The following CEP152 variants were observed in gnomAD, a reference collection of about 807,000 sequenced individuals.
CEP152 encodes centrosomal protein 152.
CEP152 carries 132 observed loss-of-function variants against 188.9 expected under a neutral mutation model. That is an observed-to-expected ratio of 0.70 (90% CI 0.61 to 0.81). The LOEUF (loss-of-function observed/expected upper bound fraction) is 0.81. Ranked by LOEUF, CEP152 falls within the 30% of genes least tolerant of loss-of-function variation. The pLI is 0.00. For missense variants in CEP152, 1,914 were observed against 1,969.8 expected, an observed-to-expected ratio of 0.97 and a Z score of 0.54; for synonymous variants, 649 against 666.6, an observed-to-expected ratio of 0.97 and a Z score of 0.41.
chr15:48,760,010 T>G, intron 19 of CEP152, 125 bp downstream of exon 19: 4 of 1,275,384 alleles, frequency 3.1e-6, no homozygotes, highest in Non-Finnish European at 4.5e-6. Context: ...GAGCTATTGC[T>G]TAACATGTAT....
intron 12 of CEP152, among the ~76,000 whole-genome samples, chr15:48,777,051 C>T (rs1391197106): frequency 6.6e-6 from 1 of 151,888 alleles, no homozygotes; most frequent in Non-Finnish European, 1.5e-5. Flanking sequence ...AATACTTGGC[C>T]AGTATTCCTT....
intron 2 of CEP152, among the ~76,000 whole-genome samples, chr15:48,802,259 T>G (rs1005108641): frequency 6.6e-5 from 10 of 152,200 alleles, no homozygotes; most frequent in African/African-American, 2.4e-4. Context: ...AAAGTTTGCT[T>G]TGGATGATAT....
intron 13 of CEP152, 95 bp downstream of exon 13, chr15:48,772,392 C>G: frequency 9.7e-7 from 1 of 1,028,484 alleles, no homozygotes. Context: ...GCCTGGAAGA[C>G]AGAGTGACGC....
chr15:48,756,344 G>A lies in CEP152; in HGVS notation c.2904C>T (p.Ile968=). The A allele has an allele frequency of 6.4e-7, 1 of 1,574,120 alleles. No homozygotes were observed. The highest frequency in any genetic ancestry group is 1.2e-5 in the South Asian group (1 of 82,922). The change falls in exon 20 of 27, where the codon ATC becomes ATT. Residue 968 remains isoleucine, a synonymous_variant. Transcript: ENST00000380950. ...GCTCATTTTGTTCTTGGATTCTGTG[G>A]ATTTCTTCTTGCTTTTCTTTGTTCC... ...SEWNKEKQEE[I]HRIQEQNEQD...
At chr15:48,799,457 C>T (rs746595970) in intron 2 of CEP152, among the ~76,000 whole-genome samples, 6 of 151,936 alleles carry the variant, frequency 3.9e-5, no homozygotes, top group African/African-American at 1.4e-4. Flanking sequence ...ATATTTATTT[C>T]TCATATTCAC....
At chr15:48,741,016 C>T (rs1242616690) in intron 26 of CEP152, 3 of 984,454 alleles carry the variant, frequency 3.0e-6, no homozygotes, top group East Asian at 2.3e-4. Flanking sequence ...TGATATTGCT[C>T]CTAATTGCAA....
At position 48,748,572 on chromosome 15, in the gene CEP152, C is replaced by A. The variant is rs1595600539; in HGVS notation, c.3505G>T (p.Gly1169Ter). ...TTTTCAAGTTCTTGGAAGCAGTGTC[C>A]ACAGCATAAATCCTTAATTTCAAGG... is the stretch of plus-strand genomic sequence containing the variant. ...KVLEIKDLCC[G>*]HCFQELEKAK... Residue 1169 changes from glycine to a stop codon, truncating the protein, a stop_gained, in exon 22 of 27, where the codon GGA becomes TGA. Transcript: ENST00000380950. LOFTEE classifies it high-confidence loss of function. The A allele has an allele frequency of 1.3e-6, 2 of 1,528,052 alleles. No homozygotes were observed. Among genetic ancestry groups the A allele is most frequent in the Non-Finnish European group, 1.7e-6 (2 of 1,143,602 alleles). 94.7% of individuals were successfully genotyped at this position (1,528,052 alleles called of 1,614,324 possible).
intron 19 of CEP152, among the ~76,000 whole-genome samples, chr15:48,758,100 T>G (rs999392654): frequency 2.0e-5 from 3 of 152,164 alleles, no homozygotes; most frequent in Admixed American, 2.0e-4. Context: ...AAAACAAAGT[T>G]TAAGGGTAGG....
intron 17 of CEP152, 101 bp downstream of exon 17, chr15:48,766,959 C>T: frequency 6.9e-7 from 1 of 1,453,202 alleles, no homozygotes; most frequent in East Asian, 2.3e-5. Flanking sequence ...ATATGAATAC[C>T]TTCTCCATTC....
intron 12 of CEP152, among the ~76,000 whole-genome samples, chr15:48,776,454 T>C (rs995601804): frequency 1.3e-5 from 2 of 152,108 alleles, no homozygotes; most frequent in African/African-American, 4.8e-5. Context: ...TGTTTAGTAA[T>C]ATGCATCAAA....
At position 48,760,131 on chromosome 15, in the gene CEP152, T is replaced by C; in HGVS notation, c.2694+4A>G. 1 of 1,613,944 alleles carries C rather than the reference T, an allele frequency of 6.2e-7. No homozygotes were observed. The highest frequency in any genetic ancestry group is 2.2e-5 in the East Asian group (1 of 44,852). ...CTGAAGTGTCTTTGCAGAAGAGCTC[T>C]TACCCTTTTGTTCACAGAGACCTCA... is the stretch of plus-strand genomic sequence containing the variant. On this transcript the variant is annotated splice_donor_region_variant and intron_variant, in intron 19 of 26. Transcript: ENST00000380950.
Position 48,769,095 on chromosome 15 carries a change from G to A in CEP152, c.1783-14C>T, listed in dbSNP as rs1191873711. 6.3e-7 allele frequency: 1 copy of A among 1,591,982 alleles called. No homozygotes were observed. The highest frequency in any genetic ancestry group is 8.6e-7 in the Non-Finnish European group (1 of 1,167,048). ...ATCTGTTTTAGTCTGAATATTAAAA[G>A]GTCAAAAGTTTTACAAGTTTTAAAA... On this transcript the variant is annotated splice_polypyrimidine_tract_variant and intron_variant, in intron 13 of 26. Transcript: ENST00000380950.
intron 22 of CEP152, among the ~76,000 whole-genome samples, chr15:48,747,337 A>G (rs184694928): frequency 6.6e-6 from 1 of 152,178 alleles, no homozygotes; most frequent in African/African-American, 2.4e-5. Flanking sequence ...CCATTTAAAT[A>G]TTTATTATCT....
At chr15:48,788,257 C>T (rs1045465469) in intron 9 of CEP152, among the ~76,000 whole-genome samples, 4 of 150,952 alleles carry the variant, frequency 2.6e-5, no homozygotes, top group South Asian at 2.1e-4. Flanking sequence ...TACTAATAAT[C>T]GTATAAGAAG....
At chr15:48,750,015 C>T (rs73400340) in intron 21 of CEP152, among the ~76,000 whole-genome samples, 8,683 of 152,062 alleles carry the variant, frequency 0.057, 630 homozygotes, top group African/African-American at 0.17. Flanking sequence ...GTATATATAA[C>T]TTACCCTCCA....
chr15:48,783,775 G>GTATATATATATATATATATATGTATATA (rs10652796), intron 10 of CEP152, 198 bp downstream of exon 10: 3 of 178,682 alleles, frequency 1.7e-5, no homozygotes, highest in African/African-American at 7.5e-5. Context: ...ATGTGTGTAT[G>GTATATATATATATATATATATGTATATA]TATATATATA....
intron 14 of CEP152, among the ~76,000 whole-genome samples, chr15:48,768,732 C>T (rs1227030119): frequency 6.6e-6 from 1 of 152,142 alleles, no homozygotes; most frequent in Non-Finnish European, 1.5e-5. Flanking sequence ...GTCAGCCATG[C>T]TACCATAGAG....
Position 48,798,058 on chromosome 15 carries a change from C to T in CEP152, c.88-7G>A, listed in dbSNP as rs552339205. The T allele has an allele frequency of 6.2e-7, 1 of 1,610,438 alleles. No homozygotes were observed. The highest frequency in any genetic ancestry group is 8.5e-7 in the Non-Finnish European group (1 of 1,176,976). ...CTGTGAGTAACTGCTGCAACTGAGT[C>T]AAAAGGTCTGCATCAATATCATACC... On this transcript the variant is annotated splice_polypyrimidine_tract_variant and splice_region_variant and intron_variant, in intron 2 of 26. Coordinates refer to ENST00000380950, the MANE Select transcript of CEP152 (RefSeq NM_001194998.2).
chr15:48,755,858 A>G (rs758009260), intron 20 of CEP152, 45 bp downstream of exon 20: 3 of 1,610,666 alleles, frequency 1.9e-6, no homozygotes, highest in Non-Finnish European at 1.7e-6. Context: ...AACTTCTATA[A>G]TCATTCTTGG....
Sources: allele counts gnomAD v4.1 joint callset (sites outside exome capture counted in the v4.1 genomes callset), GRCh38; gene constraint gnomAD v4.1.1; transcripts MANE v1.5; gene names NCBI Gene and HGNC (gene_info 2026-07-23, HGNC 2026-07-21).